Variants in CSMD1 observed in about 807,000 individuals in gnomAD.
CSMD1 encodes the protein CUB and sushi domain-containing protein 1.
CSMD1 carries 213 observed loss-of-function variants against 417.5 expected under a neutral mutation model. The ratio of observed to expected loss-of-function variants is 0.51; its 90% CI spans 0.46 to 0.57. The LOEUF (loss-of-function observed/expected upper bound fraction) is 0.57. Among genes scored for constraint, CSMD1 ranks in the 20% least tolerant of loss-of-function variants. The pLI, the probability that CSMD1 is intolerant of heterozygous loss-of-function variation, is 0.00. For synonymous variants in CSMD1, 2,862 were observed against 1,736.8 expected, an observed-to-expected ratio of 1.65 and a Z score of -16.11; for missense variants, 6,923 against 4,529.7, an observed-to-expected ratio of 1.53 and a Z score of -15.17.
chr8:3,041,747 A>G (rs557116356), intron 50 of CSMD1, among the ~76,000 whole-genome samples: 7 of 152,344 alleles, frequency 4.6e-5, no homozygotes, highest in Non-Finnish European at 1.0e-4. Flanking sequence ...ATAAACCGAT[A>G]AACTTCATAG....
intron 23 of CSMD1, among the ~76,000 whole-genome samples, chr8:3,324,027 GT>G (rs1356722426): frequency 2.9e-5 from 4 of 140,112 alleles, no homozygotes; most frequent in Admixed American, 1.4e-4. Flanking sequence ...AGGAGGGGGA[GT>G]TTCCTTCACC....
At chr8:3,995,741 C>A (rs547268239) in intron 5 of CSMD1, among the ~76,000 whole-genome samples, 2 of 152,144 alleles carry the variant, frequency 1.3e-5, no homozygotes, top group Admixed American at 6.5e-5. Context: ...GCAAATAGGA[C>A]AATATAAGTC....
chr8:3,938,291 A>G (rs1022104960), intron 5 of CSMD1, among the ~76,000 whole-genome samples: 5 of 152,178 alleles, frequency 3.3e-5, no homozygotes, highest in South Asian at 4.1e-4. Context: ...AAAAAACTGC[A>G]TGCTGGAGTT....
At chr8:4,669,597 T>A (rs562203560) in intron 1 of CSMD1, among the ~76,000 whole-genome samples, 1 of 152,316 alleles carries the variant, frequency 6.6e-6, no homozygotes, top group African/African-American at 2.4e-5. Context: ...AGCATTAGGG[T>A]AGCTACTAAG....
chr8:4,545,305 A>T (rs1284397119), intron 2 of CSMD1, among the ~76,000 whole-genome samples: 1 of 152,218 alleles, frequency 6.6e-6, no homozygotes, highest in Non-Finnish European at 1.5e-5. Context: ...AAATGACTCA[A>T]CAGTTTCTAA....
At chr8:3,538,937 G>C (rs1231690528) in intron 10 of CSMD1, among the ~76,000 whole-genome samples, 3 of 152,174 alleles carry the variant, frequency 2.0e-5, no homozygotes, top group Non-Finnish European at 4.4e-5. Context: ...AGCAACGTTT[G>C]TGAGACCCCA....
At chr8:4,412,045 C>T (rs915421444) in intron 3 of CSMD1, among the ~76,000 whole-genome samples, 2 of 151,300 alleles carry the variant, frequency 1.3e-5, no homozygotes, top group African/African-American at 4.9e-5. Context: ...AGCTAAATAT[C>T]TCAATGTGCC....
intron 1 of CSMD1, among the ~76,000 whole-genome samples, chr8:4,752,183 G>GA (rs896570184): frequency 5.3e-5 from 8 of 151,858 alleles, no homozygotes; most frequent in East Asian, 1.9e-4. Flanking sequence ...CTAGGAAGTA[G>GA]AAAAAAAATC....
At chr8:4,168,341 A>C (rs1052009652) in intron 3 of CSMD1, among the ~76,000 whole-genome samples, 5 of 151,930 alleles carry the variant, frequency 3.3e-5, no homozygotes, top group African/African-American at 1.2e-4. Flanking sequence ...GGCTACAGTG[A>C]TCCTTGATTG....
intron 6 of CSMD1, among the ~76,000 whole-genome samples, chr8:3,741,026 C>T (rs968187053): frequency 4.6e-5 from 7 of 151,814 alleles, no homozygotes; most frequent in Non-Finnish European, 1.5e-5. Context: ...ACCAGCCTGG[C>T]CAACATGGTC....
intron 1 of CSMD1, among the ~76,000 whole-genome samples, chr8:4,912,122 C>CAAAAAAAAAAAAAAAAAAAAAAAAA (rs36194482): frequency 1.4e-4 from 12 of 84,550 alleles, no homozygotes; most frequent in East Asian, 2.9e-4. Context: ...AACATAGCTT[C>CAAAAAAAAAAAAAAAAAAAAAAAAA]AAAAAAAAAA....
At chr8:3,462,400 C>T (rs959619529) in intron 12 of CSMD1, among the ~76,000 whole-genome samples, 1 of 152,172 alleles carries the variant, frequency 6.6e-6, no homozygotes, top group Non-Finnish European at 1.5e-5. Context: ...AGGAGGTGAG[C>T]AGCAGGCAAC....
At chr8:3,906,570 A>G (rs1808125591) in intron 5 of CSMD1, among the ~76,000 whole-genome samples, 1 of 152,034 alleles carries the variant, frequency 6.6e-6, no homozygotes, top group Admixed American at 6.6e-5. Context: ...AAGCTGTACC[A>G]TGAGGTGTGG....
intron 46 of CSMD1, among the ~76,000 whole-genome samples, chr8:3,104,120 G>C (rs930672818): frequency 6.6e-6 from 1 of 152,106 alleles, no homozygotes; most frequent in Non-Finnish European, 1.5e-5. Flanking sequence ...ATCACCTTTA[G>C]TTAAAGTCTT....
chr8:4,445,435 G>A (rs966113424), intron 2 of CSMD1, among the ~76,000 whole-genome samples: 11 of 152,078 alleles, frequency 7.2e-5, no homozygotes, highest in East Asian at 3.9e-4. Context: ...GTACCAAATC[G>A]TCTTTCAAAA....
At chr8:4,474,698 T>G (rs1800707402) in intron 2 of CSMD1, among the ~76,000 whole-genome samples, 1 of 152,064 alleles carries the variant, frequency 6.6e-6, no homozygotes, top group Non-Finnish European at 1.5e-5. Context: ...AACTGAGCAG[T>G]TTACTCCCAC....
intron 26 of CSMD1, among the ~76,000 whole-genome samples, chr8:3,241,340 G>C (rs1015904909): frequency 1.1e-4 from 16 of 151,976 alleles, no homozygotes; most frequent in East Asian, 1.9e-4. Flanking sequence ...ACAGGTCCTT[G>C]AAAAGAAGGT....
chr8:4,445,621 G>C (rs867854590), intron 2 of CSMD1, among the ~76,000 whole-genome samples: 13 of 152,070 alleles, frequency 8.5e-5, no homozygotes, highest in Admixed American at 3.9e-4. Context: ...AGTCGAACTG[G>C]GCCAGGCATG....
intron 5 of CSMD1, among the ~76,000 whole-genome samples, chr8:3,839,654 GAAA>G (rs112068635): frequency 8.3e-6 from 1 of 120,902 alleles, no homozygotes; most frequent in African/African-American, 3.0e-5. Flanking sequence ...CTTCAACTCA[GAAA>G]AAAAAAAAAA....
Sources: allele counts gnomAD v4.1 joint callset (sites outside exome capture counted in the v4.1 genomes callset), GRCh38; gene constraint gnomAD v4.1.1; transcripts MANE v1.5; gene names NCBI Gene and HGNC (gene_info 2026-07-23, HGNC 2026-07-21).